Variants in OPCML observed in about 807,000 individuals in gnomAD.
The protein encoded by OPCML is opioid binding protein/cell adhesion molecule like.
OPCML carries 13 observed loss-of-function variants against 37.8 expected under a neutral mutation model. That is an observed-to-expected ratio of 0.34 (90% CI 0.22 to 0.55). OPCML has a LOEUF of 0.55. OPCML is among the 20% of genes least tolerant of loss of function. OPCML has a pLI of 0.91. For synonymous variants in OPCML, 176 were observed against 168.8 expected (o/e 1.04, Z -0.33); for missense variants, 341 against 435.6 (o/e 0.78, Z 1.93).
At chr11:132,649,928 T>TACACAC (rs61282644) in intron 3 of OPCML, among the ~76,000 whole-genome samples, 12 of 147,868 alleles carry the variant, frequency 8.1e-5, no homozygotes, top group South Asian at 2.2e-4. Context: ...CACGCACTGT[T>TACACAC]ACACACACAC....
intron 2 of OPCML, among the ~76,000 whole-genome samples, chr11:132,939,297 C>A (rs1372535587): frequency 6.6e-6 from 1 of 152,098 alleles, no homozygotes; most frequent in Non-Finnish European, 1.5e-5. Flanking sequence ...TGGCAAAATC[C>A]CCACTGCTCA....
At chr11:132,744,105 T>C (rs2136046695) in intron 2 of OPCML, among the ~76,000 whole-genome samples, 1 of 152,330 alleles carries the variant, frequency 6.6e-6, no homozygotes, top group African/African-American at 2.4e-5. Flanking sequence ...ATTCACTATG[T>C]TTTAAAATAT....
intron 1 of OPCML, among the ~76,000 whole-genome samples, chr11:133,042,590 G>C (rs1410797226): frequency 1.3e-5 from 2 of 152,168 alleles, no homozygotes; most frequent in African/African-American, 4.8e-5. Flanking sequence ...TCCCACACTG[G>C]CTTCCTGAAG....
At chr11:132,469,511 A>G (rs1195754411) in intron 4 of OPCML, among the ~76,000 whole-genome samples, 3 of 136,580 alleles carry the variant, frequency 2.2e-5, no homozygotes, top group Non-Finnish European at 3.2e-5. Context: ...ATGTGTGTGT[A>G]TGTGTGTGGG....
At chr11:133,114,443 A>T (rs1949301407) in intron 1 of OPCML, among the ~76,000 whole-genome samples, 1 of 152,092 alleles carries the variant, frequency 6.6e-6, no homozygotes, top group South Asian at 2.1e-4. Flanking sequence ...TTATAATTAC[A>T]CACCACGTCT....
At chr11:132,619,975 C>A (rs1939303327) in intron 3 of OPCML, among the ~76,000 whole-genome samples, 1 of 151,916 alleles carries the variant, frequency 6.6e-6, no homozygotes, top group Non-Finnish European at 1.5e-5. Context: ...TTTAGCATGT[C>A]ACCTTAAAAA....
chr11:132,640,556 C>T (rs1940790747), intron 3 of OPCML, among the ~76,000 whole-genome samples: 1 of 152,072 alleles, frequency 6.6e-6, no homozygotes. Flanking sequence ...TCATTACATG[C>T]CAGACGCATT....
intron 7 of OPCML, among the ~76,000 whole-genome samples, chr11:132,429,203 C>G (rs76772497): frequency 6.6e-6 from 1 of 152,094 alleles, no homozygotes; most frequent in Admixed American, 6.5e-5. Flanking sequence ...GATCTCACAG[C>G]GAGAACAGCC....
intron 1 of OPCML, among the ~76,000 whole-genome samples, chr11:133,459,199 T>C (rs1294532003): frequency 6.6e-6 from 1 of 151,926 alleles, no homozygotes; most frequent in East Asian, 1.9e-4. Context: ...ATCCCCATAG[T>C]AACCACAAAG....
chr11:133,403,822 T>G (rs1945462577), intron 1 of OPCML, among the ~76,000 whole-genome samples: 1 of 152,264 alleles, frequency 6.6e-6, no homozygotes, highest in South Asian at 2.1e-4. Context: ...TGTATTCACA[T>G]TAATGATCTC....
chr11:132,428,095 G>A (rs548210638), intron 7 of OPCML, among the ~76,000 whole-genome samples: 12 of 152,304 alleles, frequency 7.9e-5, no homozygotes, highest in Admixed American at 5.9e-4. Flanking sequence ...TGTGATGAAC[G>A]TCTTCCTAAA....
At chr11:133,335,103 G>T (rs1017419622) in intron 1 of OPCML, among the ~76,000 whole-genome samples, 1 of 152,176 alleles carries the variant, frequency 6.6e-6, no homozygotes, top group Non-Finnish European at 1.5e-5. Context: ...CTCTCTACAT[G>T]TCATTAGCAA....
chr11:133,062,486 G>C (rs908450975), intron 1 of OPCML, among the ~76,000 whole-genome samples: 1 of 152,162 alleles, frequency 6.6e-6, no homozygotes, highest in Non-Finnish European at 1.5e-5. Context: ...TAATAGAACC[G>C]AGGCTCAAGA....
chr11:133,327,566 C>T (rs1943503843), intron 1 of OPCML, among the ~76,000 whole-genome samples: 1 of 152,126 alleles, frequency 6.6e-6, no homozygotes, highest in South Asian at 2.1e-4. Flanking sequence ...TTAAGGCTAT[C>T]TGCCCATCTC....
At chr11:133,384,319 T>C (rs2136789719) in intron 1 of OPCML, among the ~76,000 whole-genome samples, 1 of 147,892 alleles carries the variant, frequency 6.8e-6, no homozygotes, top group South Asian at 2.2e-4. Flanking sequence ...ATTTATCACC[T>C]CCCACCCTCC....
At chr11:133,119,366 G>A (rs1181058983) in intron 1 of OPCML, among the ~76,000 whole-genome samples, 3 of 149,374 alleles carry the variant, frequency 2.0e-5, no homozygotes, top group African/African-American at 5.1e-5. Context: ...TACTATTTCA[G>A]AAGGGCCTTC....
intron 2 of OPCML, among the ~76,000 whole-genome samples, chr11:132,937,170 C>T (rs933888973): frequency 2.6e-5 from 4 of 152,082 alleles, no homozygotes; most frequent in Admixed American, 2.0e-4. Flanking sequence ...ATCTTGCTGC[C>T]GGATCCCATC....
At chr11:133,247,387 A>C (rs1940963380) in intron 1 of OPCML, among the ~76,000 whole-genome samples, 1 of 152,218 alleles carries the variant, frequency 6.6e-6, no homozygotes, top group Admixed American at 6.5e-5. Flanking sequence ...TAAAATATTT[A>C]GCAAAGATAC....
At chr11:132,620,859 C>T (rs1343535111) in intron 3 of OPCML, among the ~76,000 whole-genome samples, 2 of 152,168 alleles carry the variant, frequency 1.3e-5, no homozygotes, top group African/African-American at 2.4e-5. Context: ...AGATCCCATG[C>T]CCTGAAGAAT....
Sources: allele counts gnomAD v4.1 joint callset (sites outside exome capture counted in the v4.1 genomes callset), GRCh38; gene constraint gnomAD v4.1.1; transcripts MANE v1.5; gene names NCBI Gene and HGNC (gene_info 2026-07-23, HGNC 2026-07-21).